The following IL19 variants were observed in gnomAD, a reference collection of about 807,000 sequenced individuals.
IL19 encodes interleukin 19.
Under a neutral mutation model 19.5 loss-of-function variants are expected in IL19, and 15 were observed. The ratio of observed to expected loss-of-function variants is 0.77; its 90% confidence interval spans 0.52 to 1.19. The LOEUF is 1.19. Ranked by LOEUF, IL19 falls within the 50% of genes most tolerant of loss-of-function variation. The pLI, the probability that IL19 is intolerant of heterozygous loss-of-function variation, is 0.00. For synonymous variants in IL19, 78 were observed against 78.3 expected, an observed-to-expected ratio of 1.00 and a Z score of 0.02; for missense variants, 199 against 213.1, an observed-to-expected ratio of 0.93 and a Z score of 0.41.
Position 206,842,663 on chromosome 1 carries a change from C to T in IL19, c.*41C>T. On this transcript the variant is annotated 3_prime_UTR_variant, in exon 7 of 7. Coordinates refer to ENST00000659997, the MANE Select transcript of IL19 (RefSeq NM_153758.5). Reference sequence around the variant, plus strand: ...ATAGTGATCCAGGGATGAACACCCCCTGTGCGGTTTACTGTGGGAGACAGC... The same window carrying T: ...ATAGTGATCCAGGGATGAACACCCCTTGTGCGGTTTACTGTGGGAGACAGC... The T allele has an allele frequency of 7.9e-7, 1 of 1,260,322 alleles. No homozygotes were observed. The highest frequency in any genetic ancestry group is 1.1e-6 in the Non-Finnish European group (1 of 883,026). 78.1% of individuals were successfully genotyped at this position (1,260,322 alleles called of 1,614,324 possible). A position where few individuals can be genotyped will look rare whatever the true frequency, so the allele number is the denominator to read the frequency against.
chr1:206,837,952 T>G (rs1676857515), intron 4 of IL19, among the ~76,000 whole-genome samples: 1 of 152,112 alleles, frequency 6.6e-6, no homozygotes, highest in South Asian at 2.1e-4. Flanking sequence ...GATTGGGAGC[T>G]CCCAGTGCTC....
At chr1:206,817,229 G>C (rs1431211500) in intron 2 of IL19, among the ~76,000 whole-genome samples, 1 of 152,168 alleles carries the variant, frequency 6.6e-6, no homozygotes, top group Admixed American at 6.5e-5. Context: ...CTAGCATGAA[G>C]AGATAACTGC....
At chr1:206,799,119 A>T (rs1675608027) in intron 2 of IL19, 113 bp downstream of exon 2, 3 of 751,590 alleles carry the variant, frequency 4.0e-6, no homozygotes, top group Admixed American at 4.8e-5. Context: ...CTATGAACTG[A>T]CAGGACTGCC....
chr1:206,823,034 AT>A (rs1676328337), intron 2 of IL19, among the ~76,000 whole-genome samples: 1 of 150,862 alleles, frequency 6.6e-6, no homozygotes, highest in Non-Finnish European at 1.5e-5. Flanking sequence ...GGTTCCAGTG[AT>A]TTTCCTGTCT....
chr1:206,818,440 A>T (rs992965860), intron 2 of IL19, among the ~76,000 whole-genome samples: 1 of 152,260 alleles, frequency 6.6e-6, no homozygotes, highest in African/African-American at 2.4e-5. Context: ...CAGACAAAAA[A>T]GACTACATAC....
At chr1:206,828,471 T>C (rs1676496835) in intron 2 of IL19, among the ~76,000 whole-genome samples, 1 of 152,256 alleles carries the variant, frequency 6.6e-6, no homozygotes, top group Non-Finnish European at 1.5e-5. Flanking sequence ...CTTCTTTGTC[T>C]GTGCTCCAAT....
intron 1 of IL19, among the ~76,000 whole-genome samples, chr1:206,782,956 A>G (rs574020497): frequency 6.6e-6 from 1 of 152,352 alleles, no homozygotes; most frequent in African/African-American, 2.4e-5. Context: ...ATTGAAAATA[A>G]AAACAGACAT....
chr1:206,836,922 G>A (rs1329306313), intron 3 of IL19, 36 bp from the exon 4 acceptor site: 15 of 1,604,124 alleles, frequency 9.4e-6, no homozygotes, highest in African/African-American at 2.7e-5. Context: ...ATAGGATACC[G>A]ATTGCTTATG....
chr1:206,797,791 G>A (rs1572553085), intron 1 of IL19, among the ~76,000 whole-genome samples: 2 of 152,332 alleles, frequency 1.3e-5, no homozygotes, highest in South Asian at 4.1e-4. Flanking sequence ...TCTGGAGAAG[G>A]TGTCGTGGTT....
chr1:206,842,885 CAT>C lies in IL19; in HGVS notation c.*267_*268del. Reference sequence around the variant, plus strand: ...CTTCCCATCTAATTTATTGTAAAGTCATATAGTCCATGTCTGTGATGTGAGCC... The same window carrying C: ...CTTCCCATCTAATTTATTGTAAAGTCATAGTCCATGTCTGTGATGTGAGCC... On this transcript the variant is annotated 3_prime_UTR_variant, in exon 7 of 7. Coordinates refer to ENST00000659997, the MANE Select transcript of IL19 (RefSeq NM_153758.5). The C allele has an allele frequency of 2.8e-6, 1 of 360,836 alleles. No individual in the cohort carries two copies. Among genetic ancestry groups the C allele is most frequent in the African/African-American group, 2.1e-5 (1 of 48,590 alleles). 22.4% of individuals were successfully genotyped at this position (360,836 alleles called of 1,614,324 possible). A position where few individuals can be genotyped will look rare whatever the true frequency, so the allele number is the denominator to read the frequency against.
chr1:206,774,568 G>T (rs906591675), intron 1 of IL19, among the ~76,000 whole-genome samples: 3 of 152,174 alleles, frequency 2.0e-5, no homozygotes, highest in African/African-American at 4.8e-5. Flanking sequence ...CTGGACTCTG[G>T]GTGAGGCTGT....
At chr1:206,821,892 T>C (rs534528736) in intron 2 of IL19, among the ~76,000 whole-genome samples, 2 of 152,236 alleles carry the variant, frequency 1.3e-5, no homozygotes, top group Non-Finnish European at 2.9e-5. Context: ...GGGTTTGGTC[T>C]GCACCTTAAT....
intron 2 of IL19, among the ~76,000 whole-genome samples, chr1:206,801,168 T>TA (rs1558612047): frequency 6.8e-5 from 8 of 118,318 alleles, no homozygotes; most frequent in African/African-American, 2.4e-4. Flanking sequence ...CATTCGTAGT[T>TA]TAAAAAAAAA....
rs78975523 is a variant in IL19, at chr1:206,788,362, C to T, written c.-148-10499C>T. On this transcript the variant is annotated intron_variant, in intron 1 of 6. Transcript: ENST00000659997. ...TTGATGTCTTACTATATACAAGACA[C>T]TTCATATTGTTTCATTTTAAGTTTT... 3.7e-3 allele frequency among the ~76,000 whole-genome samples: 564 copies of T among 152,306 alleles called. 27 individuals are homozygous for T. In the East Asian group the frequency reaches 0.1, roughly 27 times the overall value.
intron 2 of IL19, among the ~76,000 whole-genome samples, chr1:206,815,818 TA>T (rs1425129837): frequency 2.6e-5 from 4 of 152,244 alleles, no homozygotes; most frequent in African/African-American, 9.6e-5. Context: ...GCAGTATCTT[TA>T]AAGTACAGTA....
intron 1 of IL19, among the ~76,000 whole-genome samples, chr1:206,777,374 T>C (rs1572543236): frequency 7.4e-6 from 1 of 134,748 alleles, no homozygotes; most frequent in Non-Finnish European, 1.5e-5. Flanking sequence ...GTCACTGCAC[T>C]CCAGCCTGGG....
intron 1 of IL19, among the ~76,000 whole-genome samples, chr1:206,783,892 C>T (rs1484052973): frequency 3.9e-5 from 6 of 152,126 alleles, no homozygotes; most frequent in African/African-American, 2.4e-5. Context: ...GTTGCAAGGG[C>T]GGAATGAGTG....
chr1:206,781,995 T>TAGTTATATATACATATATATGTATATA (rs11464858), intron 1 of IL19, among the ~76,000 whole-genome samples: 4 of 32,754 alleles, frequency 1.2e-4, no homozygotes, highest in African/African-American at 3.4e-4. Context: ...TATATGTATA[T>TAGTTATATATACATATATATGTATATA]GTTATATATA....
Position 206,772,388 on chromosome 1 carries a change from C to T in IL19, c.-149+1310C>T, listed in dbSNP as rs780213087. 1.2e-5 allele frequency: 20 copies of T among 1,613,994 alleles called. No homozygotes were observed. The highest frequency in any genetic ancestry group is 1.5e-5 in the Non-Finnish European group (18 of 1,179,964). ...GGGTGCCCTGGCCTGGGCTGGCCCT[C>T]ACCCCAGTCAGGAGGACCAGGCAAC... On this transcript the variant is annotated intron_variant, in intron 1 of 6. Coordinates refer to ENST00000659997, the MANE Select transcript of IL19 (RefSeq NM_153758.5).
Sources: allele counts gnomAD v4.1 joint callset (sites outside exome capture counted in the v4.1 genomes callset), GRCh38; gene constraint gnomAD v4.1.1; transcripts MANE v1.5; gene names NCBI Gene and HGNC (gene_info 2026-07-23, HGNC 2026-07-21).